CCSER2: variants seen among roughly 807,000 people sequenced by gnomAD.
CCSER2 encodes the protein coiled-coil serine rich protein 2, also known as serine-rich coiled-coil domain-containing protein 2.
CCSER2 carries 46 observed loss-of-function variants against 92.3 expected under a neutral mutation model. That is an observed-to-expected ratio of 0.50 (90% CI 0.39 to 0.64). The LOEUF (loss-of-function observed/expected upper bound fraction) is 0.64, where lower values mean the gene tolerates loss of function less well. Among genes scored for constraint, CCSER2 ranks in the 30% least tolerant of loss-of-function variants. CCSER2 has a pLI of 0.00. For synonymous variants in CCSER2, 433 were observed against 431.4 expected (o/e 1.00, Z -0.04); for missense variants, 1,244 against 1,238.9 (o/e 1.00, Z -0.06).
At chr10:84,481,199 A>G (rs1221215719) in intron 9 of CCSER2, among the ~76,000 whole-genome samples, 3 of 152,126 alleles carry the variant, frequency 2.0e-5, no homozygotes, top group African/African-American at 7.2e-5. Context: ...TGTGCCCCAC[A>G]CTATCATTTC....
chr10:84,355,102 C>T (rs1430298453), intron 1 of CCSER2, among the ~76,000 whole-genome samples: 1 of 152,056 alleles, frequency 6.6e-6, no homozygotes, highest in Non-Finnish European at 1.5e-5. Context: ...CCCATCTCCC[C>T]TTCTTAACCC....
chr10:84,450,022 T>TAATA (rs1845178544), intron 6 of CCSER2, among the ~76,000 whole-genome samples: 1 of 152,216 alleles, frequency 6.6e-6, no homozygotes, highest in African/African-American at 2.4e-5. Context: ...TAGCAGTTAA[T>TAATA]AATAGCAACA....
Position 84,513,690 on chromosome 10 carries a change from C to G in CCSER2, c.2567C>G (p.Pro856Arg), listed in dbSNP as rs758261014. The change falls in exon 10 of 10, where the codon CCT becomes CGT. Residue 856 changes from proline (P) to arginine (R), a missense_variant. By Grantham distance (103) the Pro-to-Arg change is moderately radical. Coordinates refer to ENST00000372088, the MANE Select transcript of CCSER2 (RefSeq NM_001284240.2). Reference sequence around the variant, plus strand: ...ACAATGGATGTGGCTAAGAGTACACCTTCTGAAGCAAACTTAAACATTACT... The same window carrying G: ...ACAATGGATGTGGCTAAGAGTACACGTTCTGAAGCAAACTTAAACATTACT... ...QLTMDVAKST[P>R]SEANLNITVN... 5.2e-6 allele frequency: 8 copies of G among 1,545,428 alleles called. No individual in the cohort carries two copies. In the African/African-American group the frequency reaches 1.1e-4, roughly 21 times the overall value.
At chr10:84,335,509 G>T (rs1843787602) in intron 1 of CCSER2, among the ~76,000 whole-genome samples, 1 of 151,984 alleles carries the variant, frequency 6.6e-6, no homozygotes, top group South Asian at 2.1e-4. Flanking sequence ...CTCCCAAAGT[G>T]CTGGGATTAC....
At chr10:84,426,632 T>C (rs1314241031) in intron 5 of CCSER2, among the ~76,000 whole-genome samples, 1 of 152,206 alleles carries the variant, frequency 6.6e-6, no homozygotes, top group Non-Finnish European at 1.5e-5. Flanking sequence ...TTCACTTTCT[T>C]ATCTCATTCC....
Position 84,341,534 on chromosome 10 carries a change from C to T in CCSER2, c.-40+12726C>T, listed in dbSNP as rs577469933. ...TGTATGGAGATTGTTTTGCTGGACA[C>T]CAAGCAATTCTGACACCATAGACTC... On this transcript the variant is annotated intron_variant, in intron 1 of 9. Transcript: ENST00000372088. Among the ~76,000 whole-genome samples the T allele has an allele frequency of 8.4e-4, 127 of 152,032 alleles. 1 individual carries two copies. The highest frequency in any genetic ancestry group is 3.4e-3 in the Middle Eastern group (1 of 294).
intron 3 of CCSER2, among the ~76,000 whole-genome samples, chr10:84,396,475 C>G (rs1264873199): frequency 6.6e-6 from 1 of 151,778 alleles, no homozygotes; most frequent in Non-Finnish European, 1.5e-5. Flanking sequence ...TCAATCCTTT[C>G]AGCGTGATTG....
intron 1 of CCSER2, among the ~76,000 whole-genome samples, chr10:84,346,168 G>A (rs540512022): frequency 1.3e-5 from 2 of 152,258 alleles, no homozygotes; most frequent in African/African-American, 2.4e-5. Flanking sequence ...GGGTTCAAGC[G>A]ATTCTTCTGC....
chr10:84,403,854 A>G (rs775480324), intron 3 of CCSER2, among the ~76,000 whole-genome samples: 9 of 152,200 alleles, frequency 5.9e-5, no homozygotes, highest in African/African-American at 9.6e-5. Flanking sequence ...AAATATATAC[A>G]AATGCTCCAA....
chr10:84,402,739 TATGTCC>T, intron 3 of CCSER2, among the ~76,000 whole-genome samples: 1 of 152,234 alleles, frequency 6.6e-6, no homozygotes, highest in South Asian at 2.1e-4. Context: ...ACAAGACAAA[TATGTCC>T]ATTCTCACCA....
intron 5 of CCSER2, among the ~76,000 whole-genome samples, chr10:84,434,479 G>A (rs1008563779): frequency 6.6e-6 from 1 of 151,988 alleles, no homozygotes; most frequent in Non-Finnish European, 1.5e-5. Flanking sequence ...CTCCCAGTGG[G>A]ATTTTATGTC....
chr10:84,455,919 G>C, intron 6 of CCSER2: 2 of 683,960 alleles, frequency 2.9e-6, no homozygotes, highest in Admixed American at 1.8e-5. Context: ...TATGATTTCT[G>C]TTGCATCTTG....
At chr10:84,383,600 G>C (rs1589502600) in intron 3 of CCSER2, among the ~76,000 whole-genome samples, 1 of 152,070 alleles carries the variant, frequency 6.6e-6, no homozygotes, top group South Asian at 2.1e-4. Context: ...GTGAGCCACC[G>C]TACCCGGCTG....
At chr10:84,499,046 A>G (rs561160208) in intron 9 of CCSER2, among the ~76,000 whole-genome samples, 3 of 152,330 alleles carry the variant, frequency 2.0e-5, no homozygotes, top group East Asian at 3.9e-4. Flanking sequence ...AACATCCTGA[A>G]TCTTTTTTAA....
chr10:84,390,623 A>G (rs1232743933), intron 3 of CCSER2, among the ~76,000 whole-genome samples: 1 of 152,184 alleles, frequency 6.6e-6, no homozygotes, highest in Non-Finnish European at 1.5e-5. Context: ...ATCTGAAGGG[A>G]CCAGTTTTAT....
Position 84,425,904 on chromosome 10 carries a change from T to C in CCSER2, c.1868+11T>C. The stretch of plus-strand genomic sequence containing the variant: ...AAGTGACTTGAGCAGGTAAGTACTG[T>C]TCTGACTTAGATTTCATTTGCTGTC... On this transcript the variant is annotated intron_variant, in intron 5 of 9. Coordinates refer to ENST00000372088, the MANE Select transcript of CCSER2 (RefSeq NM_001284240.2). 1 of 1,500,498 alleles carries C rather than the reference T, an allele frequency of 6.7e-7. No homozygotes were observed. The highest frequency in any genetic ancestry group is 9.0e-7 in the Non-Finnish European group (1 of 1,113,740). 92.9% of individuals were successfully genotyped at this position (1,500,498 alleles called of 1,614,324 possible).
At chr10:84,451,254 G>GTTTTTTTTTTTTT (rs554339043) in intron 6 of CCSER2, among the ~76,000 whole-genome samples, 1 of 139,566 alleles carries the variant, frequency 7.2e-6, no homozygotes, top group Non-Finnish European at 1.6e-5. Context: ...GGTTGGTTGG[G>GTTTTTTTTTTTTT]TTTTTTTTTT....
chr10:84,506,261 T>A (rs1446932927), intron 9 of CCSER2, among the ~76,000 whole-genome samples: 1 of 152,204 alleles, frequency 6.6e-6, no homozygotes, highest in Admixed American at 6.5e-5. Flanking sequence ...CTAAATTTTC[T>A]GAGGTCTAGA....
intron 6 of CCSER2, among the ~76,000 whole-genome samples, chr10:84,448,069 CT>C (rs1157666167): frequency 6.6e-6 from 1 of 152,084 alleles, no homozygotes; most frequent in Non-Finnish European, 1.5e-5. Context: ...GCCCATTGGA[CT>C]CTGATACTCC....
Sources: allele counts gnomAD v4.1 joint callset (sites outside exome capture counted in the v4.1 genomes callset), GRCh38; gene constraint gnomAD v4.1.1; transcripts MANE v1.5; gene names NCBI Gene and HGNC (gene_info 2026-07-23, HGNC 2026-07-21).